ATP9B: variants seen among roughly 807,000 people sequenced by gnomAD.
ATP9B encodes probable phospholipid-transporting ATPase IIB.
ATP9B carries 110 observed loss-of-function variants against 146.1 expected under a neutral mutation model. That is an observed-to-expected ratio of 0.75 (90% CI 0.65 to 0.88). The LOEUF is 0.88. Among genes scored for constraint, ATP9B ranks in the 40% least tolerant of loss-of-function variants. ATP9B has a pLI of 0.00. For missense variants in ATP9B, 1,499 were observed against 1,496.4 expected, an observed-to-expected ratio of 1.00 and a Z score of -0.03; for synonymous variants, 604 against 569.7, an observed-to-expected ratio of 1.06 and a Z score of -0.86.
intron 7 of ATP9B, among the ~76,000 whole-genome samples, chr18:79,166,392 C>T (rs572589297): frequency 2.0e-5 from 3 of 152,254 alleles, no homozygotes; most frequent in Admixed American, 1.3e-4. Flanking sequence ...CTGCATGATG[C>T]CAGAGCCCAC....
At chr18:79,149,881 G>A (rs2147552030) in intron 6 of ATP9B, among the ~76,000 whole-genome samples, 1 of 152,200 alleles carries the variant, frequency 6.6e-6, no homozygotes, top group South Asian at 2.1e-4. Context: ...AAGAGATCAA[G>A]ACCATCTTCG....
chr18:79,368,928 G>A (rs573144133), intron 26 of ATP9B, among the ~76,000 whole-genome samples: 64 of 151,930 alleles, frequency 4.2e-4, no homozygotes, highest in African/African-American at 1.5e-3. Flanking sequence ...CCAGAGACGC[G>A]TGCAGAGCCC....
Position 79,239,592 on chromosome 18 carries a change from C to A in ATP9B, c.1108-13789C>A, listed in dbSNP as rs1361902876. The stretch of plus-strand genomic sequence containing the variant: ...CGCCATTGTCTAGCATTGTGCCATG[C>A]TGCTTGTAAAAAGAAATGGAAGAAA... On this transcript the variant is annotated intron_variant, in intron 11 of 29. Coordinates refer to ENST00000426216, the MANE Select transcript of ATP9B (RefSeq NM_198531.5). This position sits in a 1 kb window ranked among gnomAD's most constrained non-coding sequence, Gnocchi z 5.1. Among the ~76,000 whole-genome samples, 1 of 152,090 alleles carries A rather than the reference C, an allele frequency of 6.6e-6. No individual in the cohort carries two copies. The highest frequency in any genetic ancestry group is 2.4e-5 in the African/African-American group (1 of 41,398).
At chr18:79,376,019 A>G in intron 29 of ATP9B, 5 of 985,104 alleles carry the variant, frequency 5.1e-6, no homozygotes, top group Non-Finnish European at 6.0e-6. Flanking sequence ...TCTTCTGTGG[A>G]GATGCTGGGA....
rs71161769 is a variant in ATP9B, at chr18:79,339,287, C to CACA, written c.2283+1838_2283+1839insACA. ...ATCACAGTAGGAAGTGTGTCATGAT[C>CACA]GTAGTAGGAAGTATGTCATGATCAC... On this transcript the variant is annotated intron_variant, in intron 19 of 29. Transcript: ENST00000426216. Among the ~76,000 whole-genome samples, 739 of 149,694 alleles carry CACA rather than the reference C, an allele frequency of 4.9e-3. 9 individuals carry two copies. The highest frequency in any genetic ancestry group is 0.017 in the African/African-American group (676 of 40,624).
chr18:79,115,164 T>A (rs1236040353), intron 4 of ATP9B: 1 of 141,644 alleles, frequency 7.1e-6, no homozygotes, highest in Non-Finnish European at 1.5e-5. Flanking sequence ...TGAACTCCCA[T>A]TCACAATTGC....
chr18:79,348,038 C>T (rs1352833934), intron 24 of ATP9B, 94 bp from the exon 25 acceptor site: 2 of 1,600,572 alleles, frequency 1.2e-6, no homozygotes, highest in East Asian at 2.2e-5. Flanking sequence ...AGTACCTGGG[C>T]TGTGCTTAGG....
At chr18:79,376,214 C>CACACACACACACACACACACAA in intron 29 of ATP9B, 72 of 884,990 alleles carry the variant, frequency 8.1e-5, no homozygotes, top group Admixed American at 7.9e-4. Flanking sequence ...CACACACACA[C>CACACACACACACACACACACAA]AAAACAAAAC....
intron 11 of ATP9B, among the ~76,000 whole-genome samples, chr18:79,223,846 A>G (rs1451512665): frequency 6.6e-6 from 1 of 150,818 alleles, no homozygotes; most frequent in Non-Finnish European, 1.5e-5. Context: ...TACTGATAGC[A>G]TCTGGGGCAT....
intron 26 of ATP9B, among the ~76,000 whole-genome samples, chr18:79,369,532 CAAAAAA>C (rs67043260): frequency 1.3e-4 from 11 of 87,990 alleles, no homozygotes; most frequent in African/African-American, 4.6e-4. Context: ...GAGTCCGTCT[CAAAAAA>C]AAAAAAAAAA....
intron 5 of ATP9B, among the ~76,000 whole-genome samples, chr18:79,132,109 G>A (rs182156782): frequency 6.6e-6 from 1 of 152,248 alleles, no homozygotes; most frequent in Admixed American, 6.5e-5. Context: ...TTTATGTTAC[G>A]TACGTTTCAC....
At chr18:79,189,702 CT>C (rs2095344441) in intron 8 of ATP9B, among the ~76,000 whole-genome samples, 1 of 152,200 alleles carries the variant, frequency 6.6e-6, no homozygotes, top group Admixed American at 6.5e-5. Flanking sequence ...TTGACATCAC[CT>C]GTTTACAAGG....
intron 13 of ATP9B, among the ~76,000 whole-genome samples, chr18:79,293,037 A>G (rs2096522491): frequency 6.6e-6 from 1 of 151,886 alleles, no homozygotes; most frequent in African/African-American, 2.4e-5. Context: ...GAGGCCATAA[A>G]TAAATCCAAA....
At chr18:79,147,162 C>G (rs534032632) in intron 6 of ATP9B, among the ~76,000 whole-genome samples, 54 of 152,272 alleles carry the variant, frequency 3.5e-4, no homozygotes, top group African/African-American at 1.2e-3. Context: ...ATACAATGAT[C>G]ATAAATTGTT....
In ATP9B at chr18:79,118,402, T is replaced by TG. The variant is rs1568213595; in HGVS notation, c.558+5048_558+5049insG. Among the ~76,000 whole-genome samples the TG allele has an allele frequency of 3.2e-4, 41 of 129,436 alleles. 2 individuals carry two copies. The highest frequency in any genetic ancestry group is 1.1e-3 in the African/African-American group (37 of 33,570). The allele number at this position is 129,436 out of a possible 152,430, so 84.9% of individuals were successfully genotyped here. A position where few individuals can be genotyped will look rare whatever the true frequency, so the allele number is the denominator to read the frequency against. ...ATTGAACGTTTTTGTTTTTTTTTTT[T>TG]TTTTTTTTTTTTTTTTGAGACAGAG... is the stretch of plus-strand genomic sequence containing the variant. On this transcript the variant is annotated intron_variant, in intron 4 of 29. Coordinates refer to ENST00000426216, the MANE Select transcript of ATP9B (RefSeq NM_198531.5).
intron 7 of ATP9B, among the ~76,000 whole-genome samples, chr18:79,158,918 G>A (rs1369359492): frequency 6.6e-6 from 1 of 152,144 alleles, no homozygotes; most frequent in African/African-American, 2.4e-5. Context: ...ATTATTGAAT[G>A]TGGAGTACTG....
At chr18:79,258,643 T>C (rs956886739) in intron 12 of ATP9B, among the ~76,000 whole-genome samples, 8 of 152,206 alleles carry the variant, frequency 5.3e-5, no homozygotes, top group Non-Finnish European at 8.8e-5. Flanking sequence ...ATAGCCGGCT[T>C]TCTGCGGGTC....
intron 11 of ATP9B, among the ~76,000 whole-genome samples, chr18:79,231,803 T>TACATACACAC (rs1555777828): frequency 5.2e-5 from 6 of 114,756 alleles, no homozygotes; most frequent in African/African-American, 1.7e-4. Flanking sequence ...TATATATATA[T>TACATACACAC]ACACACACAC....
intron 1 of ATP9B, among the ~76,000 whole-genome samples, chr18:79,077,766 G>A (rs550883091): frequency 6.6e-5 from 10 of 152,282 alleles, no homozygotes; most frequent in African/African-American, 2.4e-4. Context: ...GCATAAGAGA[G>A]TCCTCTCTAC....
Sources: gnomAD v4.1 joint callset for allele counts (sites outside exome capture counted in the v4.1 genomes callset) on GRCh38, gnomAD v4.1.1 for gene constraint, Gnocchi (gnomAD v3.1) non-coding constraint, MANE v1.5 for transcripts, NCBI Gene and HGNC (gene_info 2026-07-23, HGNC 2026-07-21) for gene names.